The following PCDHGB2 variants were observed in gnomAD, a reference collection of about 807,000 sequenced individuals.
The protein encoded by PCDHGB2 is protocadherin gamma-B2.
In PCDHGB2, 55 loss-of-function variants were observed where a neutral mutation model predicts 59.3. The ratio of observed to expected loss-of-function variants is 0.93; its 90% CI spans 0.75 to 1.16. The LOEUF (loss-of-function observed/expected upper bound fraction) is 1.16. Ranked by LOEUF, PCDHGB2 falls within the 50% of genes most tolerant of loss-of-function variation. PCDHGB2 has a pLI of 0.00. For missense variants in PCDHGB2, 1,228 were observed against 1,198.5 expected (o/e 1.02, Z -0.36); for synonymous variants, 516 against 512.0 (o/e 1.01, Z -0.11).
rs2099427481 is a variant in PCDHGB2 at position 141,477,973 on chromosome 5, T to A, written c.2422-16834T>A. On this transcript the variant is annotated intron_variant, in intron 1 of 3. Coordinates refer to ENST00000522605, the MANE Select transcript of PCDHGB2 (RefSeq NM_018923.3). The surrounding 1 kb of genome is among the most constrained non-coding windows in gnomAD (Gnocchi z 4.9). The stretch of plus-strand genomic sequence containing the variant: ...TGGGATCCCCTAACCAGAGCCTTTT[T>A]GCCATAGGGCTGCACACTGGTCAAA... 1 of 1,614,030 alleles carries A rather than the reference T, an allele frequency of 6.2e-7. No individual in the cohort carries two copies. The highest frequency in any genetic ancestry group is 8.5e-7 in the Non-Finnish European group (1 of 1,180,030).
Position 141,490,732 on chromosome 5 carries a change from G to A in PCDHGB2, c.2422-4075G>A, listed in dbSNP as rs775388969. 6.2e-6 allele frequency: 10 copies of A among 1,614,188 alleles called. No homozygotes were observed. The highest frequency in any genetic ancestry group is 8.5e-6 in the Non-Finnish European group (10 of 1,180,042). ...CACCTACTCCATTGTAGGAAATCAG[G>A]TTCAGGGAGCCCCAGCCTCCTCCTT... On this transcript the variant is annotated intron_variant, in intron 1 of 3. Transcript: ENST00000522605. This position sits in a 1 kb window ranked among gnomAD's most constrained non-coding sequence, Gnocchi z 5.4.
chr5:141,441,041 C>T (rs2098220628), intron 1 of PCDHGB2: 1 of 152,152 alleles, frequency 6.6e-6, no homozygotes, highest in African/African-American at 2.4e-5. Context: ...ACTTTAAGTA[C>T]ATTGGACTTT....
In PCDHGB2 at chr5:141,432,613, G is replaced by A. The variant is rs1461837957; in HGVS notation, c.2422-62194G>A. 6.2e-7 allele frequency: 1 copy of A among 1,613,946 alleles called. No homozygotes were observed. The highest frequency in any genetic ancestry group is 1.3e-5 in the African/African-American group (1 of 75,056). On this transcript the variant is annotated intron_variant, in intron 1 of 3. Coordinates refer to ENST00000522605, the MANE Select transcript of PCDHGB2 (RefSeq NM_018923.3). The surrounding 1 kb of genome is among the most constrained non-coding windows in gnomAD (Gnocchi z 6.0). ...AGGCCAGCGAGCCGGGACTCTTCTC[G>A]GTGGGTCTGCACACGGGCGAGGTGC...
At chr5:141,389,122 A>G (rs2091613113) in intron 1 of PCDHGB2, 1 of 1,613,914 alleles carries the variant, frequency 6.2e-7, no homozygotes, top group Admixed American at 1.7e-5. Context: ...CGCGAGCAGA[A>G]TCCAGAGTAC....
At chr5:141,436,347 CT>C (rs1402378657) in intron 1 of PCDHGB2, among the ~76,000 whole-genome samples, 1 of 152,118 alleles carries the variant, frequency 6.6e-6, no homozygotes, top group African/African-American at 2.4e-5. Context: ...ATATCAGTGA[CT>C]TCAATCAACT....
intron 1 of PCDHGB2, chr5:141,366,326 G>T: frequency 6.2e-7 from 1 of 1,613,810 alleles, no homozygotes. Flanking sequence ...TGCCGTGGCC[G>T]ACAGGATCCC....
chr5:141,501,381 T>A (rs1261533671), intron 2 of PCDHGB2, among the ~76,000 whole-genome samples: 4 of 151,750 alleles, frequency 2.6e-5, no homozygotes, highest in African/African-American at 9.7e-5. Flanking sequence ...TCTTAAATCC[T>A]AGGTCCTGTC....
chr5:141,409,173 G>T (rs1235074997), intron 1 of PCDHGB2: 3 of 1,614,028 alleles, frequency 1.9e-6, no homozygotes. Flanking sequence ...GCGAAGGACG[G>T]AGGTGGTCTC....
At chr5:141,419,190 A>G in intron 1 of PCDHGB2, 1 of 1,613,930 alleles carries the variant, frequency 6.2e-7, no homozygotes, top group South Asian at 1.1e-5. Flanking sequence ...CACATTACTG[A>G]CGTCAATGAC....
At chr5:141,498,520 A>T (rs1178141390) in intron 2 of PCDHGB2, among the ~76,000 whole-genome samples, 1 of 149,264 alleles carries the variant, frequency 6.7e-6, no homozygotes, top group Non-Finnish European at 1.5e-5. Flanking sequence ...CATCTTGCCC[A>T]CTGCCCTCCA....
chr5:141,473,163 G>T (rs1379230893), intron 1 of PCDHGB2, among the ~76,000 whole-genome samples: 2 of 152,160 alleles, frequency 1.3e-5, no homozygotes, highest in Non-Finnish European at 1.5e-5. Flanking sequence ...GGGCTAGGAA[G>T]GCCCACTGGT....
In PCDHGB2 at chr5:141,432,009, G is replaced by A. The variant is rs1227754190; in HGVS notation, c.2422-62798G>A. ...GTCTTGGATAGGGAACAGGTTCCTA[G>A]CTACAACATCACAGTGACCGCCACT... On this transcript the variant is annotated intron_variant, in intron 1 of 3. Coordinates refer to ENST00000522605, the MANE Select transcript of PCDHGB2 (RefSeq NM_018923.3). The surrounding 1 kb of genome is among the most constrained non-coding windows in gnomAD (Gnocchi z 6.0). The A allele has an allele frequency of 1.2e-6, 2 of 1,614,188 alleles. No homozygotes were observed. The highest frequency in any genetic ancestry group is 1.7e-6 in the Non-Finnish European group (2 of 1,180,024).
In PCDHGB2 at chr5:141,370,640, G is replaced by A. The variant is rs1411940178; in HGVS notation, c.2421+8084G>A. 4.3e-6 allele frequency: 7 copies of A among 1,613,966 alleles called. No homozygotes were observed. In the East Asian group the frequency reaches 1.6e-4, roughly 36 times the overall value. On this transcript the variant is annotated intron_variant, in intron 1 of 3. Transcript: ENST00000522605. The stretch of plus-strand genomic sequence containing the variant: ...TCTTTACCGTGAGCCCCGAAAATGG[G>A]AACTTACTTGTGAGCGACCGTATAG...
chr5:141,434,992 C>A (rs2097735368), intron 1 of PCDHGB2, among the ~76,000 whole-genome samples: 1 of 151,902 alleles, frequency 6.6e-6, no homozygotes, highest in Non-Finnish European at 1.5e-5. Context: ...ATATCATTTT[C>A]TAGCTGAATT....
intron 1 of PCDHGB2, chr5:141,423,068 A>T: frequency 6.2e-7 from 1 of 1,614,090 alleles, no homozygotes; most frequent in Non-Finnish European, 8.5e-7. Context: ...AAGGCCAGCG[A>T]GCCGGGACTC....
At chr5:141,474,964 CATT>C (rs1489874965) in intron 1 of PCDHGB2, among the ~76,000 whole-genome samples, 1 of 152,216 alleles carries the variant, frequency 6.6e-6, no homozygotes, top group Non-Finnish European at 1.5e-5. Context: ...CTATCCTAAT[CATT>C]ATAATTTTGT....
At position 141,403,108 on chromosome 5, in the gene PCDHGB2, G is replaced by A. The variant is rs189164879; in HGVS notation, c.2421+40552G>A. The A allele has an allele frequency of 2.7e-5, 43 of 1,614,086 alleles. No homozygotes were observed. In the African/African-American group the frequency reaches 5.1e-4, roughly 19 times the overall value. ...TTGTGGGCAACATCTCCAAGGACCT[G>A]GCTCTGGAGCCCCGGGAGCTGGCGG... On this transcript the variant is annotated intron_variant, in intron 1 of 3. Coordinates refer to ENST00000522605, the MANE Select transcript of PCDHGB2 (RefSeq NM_018923.3).
intron 1 of PCDHGB2, among the ~76,000 whole-genome samples, chr5:141,483,834 A>G (rs2154580001): frequency 6.6e-6 from 1 of 152,212 alleles, no homozygotes; most frequent in South Asian, 2.1e-4. Flanking sequence ...CTAGGTAAGG[A>G]CTTGGTTGAA....
intron 1 of PCDHGB2, chr5:141,389,736 G>A: frequency 6.2e-7 from 1 of 1,612,710 alleles, no homozygotes; most frequent in Non-Finnish European, 8.5e-7. Flanking sequence ...CTTCAGCCTG[G>A]GGCTGCGCAC....
Sources: allele counts gnomAD v4.1 joint callset (sites outside exome capture counted in the v4.1 genomes callset), GRCh38; gene constraint gnomAD v4.1.1; non-coding constraint Gnocchi (gnomAD v3.1); transcripts MANE v1.5; gene names NCBI Gene and HGNC (gene_info 2026-07-23, HGNC 2026-07-21).